ADAM29: variants seen among roughly 807,000 people sequenced by gnomAD.
ADAM29 encodes ADAM metallopeptidase domain 29.
For missense variants in ADAM29, 969 were observed against 1,001.8 expected (o/e 0.97, Z 0.44); for synonymous variants, 367 against 342.3 (o/e 1.07, Z -0.80).
intron 2 of ADAM29, chr4:174,924,104 G>A (rs1743349494): frequency 6.6e-6 from 1 of 152,050 alleles, no homozygotes; most frequent in South Asian, 2.1e-4. Context: ...AAATACAAAA[G>A]AAATTACTTT....
At chr4:174,948,288 G>A (rs1300605861) in intron 4 of ADAM29, among the ~76,000 whole-genome samples, 2 of 152,142 alleles carry the variant, frequency 1.3e-5, no homozygotes, top group Non-Finnish European at 2.9e-5. Flanking sequence ...ATCTGTCTGG[G>A]CTGATGATCC....
At chr4:174,949,995 A>G (rs1745078673) in intron 4 of ADAM29, among the ~76,000 whole-genome samples, 2 of 152,324 alleles carry the variant, frequency 1.3e-5, no homozygotes, top group South Asian at 4.1e-4. Flanking sequence ...ATAACTGTGG[A>G]TGACTTAACC....
intron 2 of ADAM29, among the ~76,000 whole-genome samples, chr4:174,929,805 G>A (rs1167706692): frequency 6.6e-6 from 1 of 150,878 alleles, no homozygotes; most frequent in Non-Finnish European, 1.5e-5. Flanking sequence ...TGCCCAGGCT[G>A]GAGTGCAGTG....
intron 4 of ADAM29, among the ~76,000 whole-genome samples, chr4:174,962,259 C>T (rs1478699152): frequency 1.3e-5 from 2 of 152,140 alleles, no homozygotes; most frequent in Non-Finnish European, 2.9e-5. Context: ...TGCCTGTAAT[C>T]CCAGTACTTT....
At chr4:174,948,769 G>T (rs1744997903) in intron 4 of ADAM29, among the ~76,000 whole-genome samples, 1 of 152,232 alleles carries the variant, frequency 6.6e-6, no homozygotes, top group African/African-American at 2.4e-5. Flanking sequence ...GTGGTGATGG[G>T]GGCACTGGCA....
chr4:174,940,487 C>T (rs1470305258), intron 4 of ADAM29, among the ~76,000 whole-genome samples: 1 of 152,056 alleles, frequency 6.6e-6, no homozygotes, highest in Non-Finnish European at 1.5e-5. Context: ...ATTTTTACAG[C>T]CTTTATCTGC....
chr4:174,935,723 A>G (rs553211097), intron 3 of ADAM29, among the ~76,000 whole-genome samples: 8 of 152,176 alleles, frequency 5.3e-5, no homozygotes, highest in African/African-American at 1.9e-4. Flanking sequence ...TACTTAACAC[A>G]GTATTTCACT....
intron 4 of ADAM29, among the ~76,000 whole-genome samples, chr4:174,959,481 G>C: frequency 7.0e-6 from 1 of 143,804 alleles, no homozygotes; most frequent in Non-Finnish European, 1.5e-5. Context: ...GTGTGTGTGT[G>C]TGTTTGTGTG....
At chr4:174,965,283 C>A (rs1746083094) in intron 4 of ADAM29, among the ~76,000 whole-genome samples, 1 of 151,988 alleles carries the variant, frequency 6.6e-6, no homozygotes, top group Non-Finnish European at 1.5e-5. Context: ...CCTTTTTGAA[C>A]AACCAGCTCT....
intron 4 of ADAM29, among the ~76,000 whole-genome samples, chr4:174,947,534 C>T (rs1744923868): frequency 6.6e-6 from 1 of 152,056 alleles, no homozygotes; most frequent in African/African-American, 2.4e-5. Flanking sequence ...TTGTTTAAAT[C>T]CCTCGTAATT....
At chr4:174,956,239 T>C (rs560141161) in intron 4 of ADAM29, among the ~76,000 whole-genome samples, 11 of 152,168 alleles carry the variant, frequency 7.2e-5, no homozygotes, top group African/African-American at 2.6e-4. Flanking sequence ...ACCTTTCCCA[T>C]TCCATGAAAT....
chr4:174,975,286 T>C (rs1045252652), intron 4 of ADAM29, 60 bp from the exon 5 acceptor site: 1 of 376,870 alleles, frequency 2.7e-6, no homozygotes, highest in Non-Finnish European at 4.7e-6. Context: ...CCCACTGGAT[T>C]CTCTTATAAG....
chr4:174,971,935 C>G (rs1393374754), intron 4 of ADAM29, among the ~76,000 whole-genome samples: 3 of 152,132 alleles, frequency 2.0e-5, no homozygotes, highest in Non-Finnish European at 4.4e-5. Flanking sequence ...GATATGTTTT[C>G]AAGTTCACTG....
At chr4:174,936,095 C>G (rs1351602020) in intron 3 of ADAM29, among the ~76,000 whole-genome samples, 4 of 151,990 alleles carry the variant, frequency 2.6e-5, no homozygotes, top group Non-Finnish European at 2.9e-5. Context: ...TCAGGTCAAT[C>G]TAATAAATAA....
chr4:174,973,229 C>T lies in ADAM29; in HGVS notation c.-180-2117C>T, dbSNP rs6845431. ...ACCAGTCAGAGCTCCAACTGACAGACGTAATTCGTGTATAAAGCCCCTTTA... is the reference window on the plus strand; with the variant it reads ...ACCAGTCAGAGCTCCAACTGACAGATGTAATTCGTGTATAAAGCCCCTTTA... On this transcript the variant is annotated intron_variant, in intron 4 of 4. Coordinates refer to ENST00000359240, the MANE Select transcript of ADAM29 (RefSeq NM_014269.4). Among the ~76,000 whole-genome samples, 18 of 151,994 alleles carry T rather than the reference C, an allele frequency of 1.2e-4. No homozygotes were observed. In the South Asian group the frequency reaches 1.2e-3, roughly 11 times the overall value.
At chr4:174,947,493 A>C (rs1434415445) in intron 4 of ADAM29, among the ~76,000 whole-genome samples, 1 of 152,086 alleles carries the variant, frequency 6.6e-6, no homozygotes, top group East Asian at 1.9e-4. Flanking sequence ...CCTTAATTTC[A>C]TTGTTTACCC....
chr4:174,923,080 C>A (rs554979286), intron 2 of ADAM29, among the ~76,000 whole-genome samples: 3 of 151,910 alleles, frequency 2.0e-5, no homozygotes, highest in Admixed American at 6.6e-5. Context: ...TTTTGAGATG[C>A]AGTCTCACTC....
intron 4 of ADAM29, among the ~76,000 whole-genome samples, chr4:174,937,495 C>T (rs886742577): frequency 6.6e-6 from 1 of 151,894 alleles, no homozygotes; most frequent in Non-Finnish European, 1.5e-5. Flanking sequence ...CTTTTATAAA[C>T]CTAAACATCT....
chr4:174,947,132 C>T (rs955861479), intron 4 of ADAM29, among the ~76,000 whole-genome samples: 1 of 151,852 alleles, frequency 6.6e-6, no homozygotes, highest in Admixed American at 6.6e-5. Flanking sequence ...GGATCTCTCT[C>T]TCTCTCTCTT....
Sources: allele counts gnomAD v4.1 joint callset (sites outside exome capture counted in the v4.1 genomes callset), GRCh38; gene constraint gnomAD v4.1.1; transcripts MANE v1.5; gene names NCBI Gene and HGNC (gene_info 2026-07-23, HGNC 2026-07-21).